ZNF800: variants seen among roughly 807,000 people sequenced by gnomAD.
The protein encoded by ZNF800 is zinc finger protein 800.
Under a neutral mutation model 59.5 loss-of-function variants are expected in ZNF800, and 13 were observed. The ratio of observed to expected loss-of-function variants is 0.22; its 90% CI spans 0.14 to 0.35. ZNF800 has a LOEUF of 0.35. Among genes scored for constraint, ZNF800 ranks in the 10% least tolerant of loss-of-function variants. ZNF800 has a pLI of 1.00. For missense variants in ZNF800, 621 were observed against 783.7 expected, an observed-to-expected ratio of 0.79 and a Z score of 2.48; for synonymous variants, 266 against 265.7, an observed-to-expected ratio of 1.00 and a Z score of -0.01.
intron 1 of ZNF800, chr7:127,349,710 A>G (rs1158120450): frequency 6.6e-6 from 1 of 152,254 alleles, no homozygotes; most frequent in African/African-American, 2.4e-5. Flanking sequence ...CTTAAGGCCA[A>G]AAGTTTGTGT....
At chr7:127,364,966 T>G (rs1030536269) in intron 1 of ZNF800, among the ~76,000 whole-genome samples, 7 of 152,120 alleles carry the variant, frequency 4.6e-5, no homozygotes, top group African/African-American at 1.7e-4. Context: ...TAAGATTATG[T>G]AAATGAGAGA....
downstream of ZNF800, among the ~76,000 whole-genome samples, chr7:127,345,110 C>T (rs1252504606): frequency 6.6e-6 from 1 of 152,106 alleles, no homozygotes; most frequent in Non-Finnish European, 1.5e-5. Flanking sequence ...AAAGTTCTTA[C>T]AAATCAATGA....
rs1587462291 is a variant in ZNF800 at position 127,392,627 on chromosome 7, C to T, written c.-626G>A. On this transcript the variant is annotated 5_prime_UTR_variant, in exon 1 of 6. Coordinates refer to ENST00000265827, the MANE Select transcript of ZNF800 (RefSeq NM_176814.5). Reference sequence around the variant, plus strand: ...CTCTTTTACTCTGTCGCCCCCTCCTCCGGAGAGCCCGAGCTACCGCCGCGG... The same window carrying T: ...CTCTTTTACTCTGTCGCCCCCTCCTTCGGAGAGCCCGAGCTACCGCCGCGG... 1 of 161,688 alleles carries T rather than the reference C, an allele frequency of 6.2e-6. No homozygotes were observed. The highest frequency in any genetic ancestry group is 2.0e-4 in the South Asian group (1 of 4,918). The allele number at this position is 161,688 out of a possible 1,614,324, so 10.0% of individuals were successfully genotyped here. A position where few individuals can be genotyped will look rare whatever the true frequency, so the allele number is the denominator to read the frequency against.
chr7:127,368,612 T>C (rs1164545089), downstream of ZNF800, among the ~76,000 whole-genome samples: 1 of 152,116 alleles, frequency 6.6e-6, no homozygotes, highest in African/African-American at 2.4e-5. Context: ...GAAGCATCTC[T>C]ACCTCATTTT....
At chr7:127,359,610 T>A (rs911978969) in intron 1 of ZNF800, among the ~76,000 whole-genome samples, 34 of 152,090 alleles carry the variant, frequency 2.2e-4, no homozygotes, top group Admixed American at 1.9e-3. Flanking sequence ...TCTTCAGAGT[T>A]GAGTGTTATT....
chr7:127,373,303 T>TG lies in ZNF800; in HGVS notation c.1994+38dup, dbSNP rs774132118. The TG allele has an allele frequency of 5.9e-6, 9 of 1,532,170 alleles. No individual in the cohort carries two copies. The South Asian group carries it at 6.5e-5, about 11-fold the overall frequency. The allele number at this position is 1,532,170 out of a possible 1,614,324, so 94.9% of individuals were successfully genotyped here. ...TCAAATGATTTTTTTTTTAGTTCGA[T>TG]GGGGGGAAAAAAGCAAAACTCTGTT... On this transcript the variant is annotated intron_variant, in intron 5 of 5. Coordinates refer to ENST00000265827, the MANE Select transcript of ZNF800 (RefSeq NM_176814.5).
chr7:127,361,663 T>C (rs961596196), intron 1 of ZNF800: 1 of 152,150 alleles, frequency 6.6e-6, no homozygotes, highest in African/African-American at 2.4e-5. Context: ...CTTCAGATCC[T>C]AAATGTTTAC....
rs149917405 is a variant in ZNF800 at position 127,355,761 on chromosome 7, T to G, written n.225-7718A>C. On this transcript the variant is annotated intron_variant and non_coding_transcript_variant, in intron 1 of 1. Transcript: ENST00000485577. ...TTTTCAAATGTTGGGTTGCCAAATTTTCTTTATAGATTACTACATAGGAAT... is the reference window on the plus strand; with the variant it reads ...TTTTCAAATGTTGGGTTGCCAAATTGTCTTTATAGATTACTACATAGGAAT... Among the ~76,000 whole-genome samples the G allele has an allele frequency of 1.5e-3, 234 of 152,210 alleles. 3 individuals carry two copies. Among genetic ancestry groups the G allele is most frequent in the Admixed American group, 2.4e-3 (37 of 15,278 alleles).
At chr7:127,344,903 T>C (rs532676422), downstream of ZNF800, among the ~76,000 whole-genome samples, 2 of 152,254 alleles carry the variant, frequency 1.3e-5, no homozygotes, top group Admixed American at 6.5e-5. Flanking sequence ...CAGATATTTA[T>C]ATAACACTGG....
Position 127,379,836 on chromosome 7 carries a change from A to ACCCCCCCCC in ZNF800, c.158-2508_158-2507insGGGGGGGGG, listed in dbSNP as rs71179574. On this transcript the variant is annotated intron_variant, in intron 3 of 5. Coordinates refer to ENST00000265827, the MANE Select transcript of ZNF800 (RefSeq NM_176814.5). ...ACAAATGCTTCCCCTTACCCTTGCC[A>ACCCCCCCCC]CCCCCCCACCCCCCCACCCCCCCCA... Among the ~76,000 whole-genome samples, 30 of 27,652 alleles carry ACCCCCCCCC rather than the reference A, an allele frequency of 1.1e-3. 2 individuals carry two copies. The highest frequency in any genetic ancestry group is 1.3e-3 in the Non-Finnish European group (19 of 15,070). The allele number at this position is 27,652 out of a possible 152,430, so 18.1% of individuals were successfully genotyped here.
chr7:127,386,230 A>T, intron 2 of ZNF800, 75 bp from the exon 3 acceptor site: 1 of 850,274 alleles, frequency 1.2e-6, no homozygotes, highest in Non-Finnish European at 1.9e-6. Flanking sequence ...TTAAAGTAAA[A>T]CAATGGCTTT....
At chr7:127,384,437 T>C (rs1228431263) in intron 3 of ZNF800, among the ~76,000 whole-genome samples, 2 of 151,712 alleles carry the variant, frequency 1.3e-5, no homozygotes, top group Admixed American at 1.3e-4. Flanking sequence ...AGTTTCACCG[T>C]GTTAGCCAGG....
intron 3 of ZNF800, among the ~76,000 whole-genome samples, chr7:127,379,844 A>ACCCCCCCCCCCCCCCC (rs1562907457): frequency 7.2e-5 from 1 of 13,934 alleles, no homozygotes; most frequent in Non-Finnish European, 1.4e-4. Flanking sequence ...CCACCCCCCC[A>ACCCCCCCCCCCCCCCC]CCCCCCCACC....
intron 1 of ZNF800, chr7:127,361,524 T>C (rs1800393138): frequency 6.6e-6 from 1 of 151,996 alleles, no homozygotes; most frequent in Admixed American, 6.6e-5. Flanking sequence ...GAGGCTGCAG[T>C]CAACTAGGAT....
chr7:127,346,197 T>C (rs530213347), downstream of ZNF800, among the ~76,000 whole-genome samples: 27 of 152,342 alleles, frequency 1.8e-4, 1 homozygote, highest in South Asian at 4.6e-3. Context: ...TAGTAAATTC[T>C]GTTTTCTCAG....
At chr7:127,381,382 G>T (rs1800971156) in intron 3 of ZNF800, among the ~76,000 whole-genome samples, 1 of 151,994 alleles carries the variant, frequency 6.6e-6, no homozygotes, top group South Asian at 2.1e-4. Flanking sequence ...AAGATACAAA[G>T]AAAACTTAAG....
In ZNF800 at chr7:127,377,613, G is replaced by T. The variant is rs17865995; in HGVS notation, c.158-284C>A. On this transcript the variant is annotated intron_variant, in intron 3 of 5. Coordinates refer to ENST00000265827, the MANE Select transcript of ZNF800 (RefSeq NM_176814.5). The surrounding 1 kb of genome is among the most constrained non-coding windows in gnomAD (Gnocchi z 4.7). ...TATCCCAAGGCAGTGGTTCCGACAT[G>T]AGGTTAATCATTACAATGAGCTGGG... is the stretch of plus-strand genomic sequence containing the variant. 2.0e-5 allele frequency among the ~76,000 whole-genome samples: 3 copies of T among 152,106 alleles called. No individual in the cohort carries two copies. The East Asian group carries it at 5.8e-4, about 29-fold the overall frequency.
rs138612164 is a variant in ZNF800, at chr7:127,381,719, C to T, written c.157+4341G>A. Among the ~76,000 whole-genome samples, 643 of 151,844 alleles carry T rather than the reference C, an allele frequency of 4.2e-3. 2 individuals are homozygous for T. The highest frequency in any genetic ancestry group is 6.4e-3 in the Non-Finnish European group (432 of 67,952). Reference sequence around the variant, plus strand: ...GAATATGAATGTAAGGAAAACAAATCTACTTTTTTCTTATAAAAAAAAGTC... The same window carrying T: ...GAATATGAATGTAAGGAAAACAAATTTACTTTTTTCTTATAAAAAAAAGTC... On this transcript the variant is annotated intron_variant, in intron 3 of 5. Transcript: ENST00000265827.
At chr7:127,357,174 T>C (rs1162261041) in intron 1 of ZNF800, among the ~76,000 whole-genome samples, 1 of 151,962 alleles carries the variant, frequency 6.6e-6, no homozygotes, top group Non-Finnish European at 1.5e-5. Flanking sequence ...AGACACAAAT[T>C]TCCACTTCAT....
Sources: allele counts gnomAD v4.1 joint callset (sites outside exome capture counted in the v4.1 genomes callset), GRCh38; gene constraint gnomAD v4.1.1; non-coding constraint Gnocchi (gnomAD v3.1); transcripts MANE v1.5; gene names NCBI Gene and HGNC (gene_info 2026-07-23, HGNC 2026-07-21).